Variants in CZIB observed in about 807,000 individuals in gnomAD.
The protein encoded by CZIB is UPF0587 protein C1orf123.
CZIB carries 26 observed loss-of-function variants against 28.3 expected under a neutral mutation model. The ratio of observed to expected loss-of-function variants is 0.92; its 90% CI spans 0.67 to 1.27. CZIB has a LOEUF of 1.27. CZIB is among the 50% of genes most tolerant of loss of function. The pLI is 0.00. For missense variants in CZIB, 179 were observed against 197.3 expected, an observed-to-expected ratio of 0.91 and a Z score of 0.56; for synonymous variants, 78 against 71.1, an observed-to-expected ratio of 1.10 and a Z score of -0.49.
At chr1:53,218,087 T>C in intron 5 of CZIB, 85 bp downstream of exon 5, 6 of 1,412,534 alleles carry the variant, frequency 4.2e-6, no homozygotes, top group South Asian at 1.2e-5. Context: ...GTCACTCTGA[T>C]GCAGGCATGA....
At chr1:53,218,126 T>C (rs1645485345) in intron 5 of CZIB, 46 bp downstream of exon 5, 1 of 1,600,778 alleles carries the variant, frequency 6.2e-7, no homozygotes, top group Non-Finnish European at 8.6e-7. Flanking sequence ...CTAACTCCAG[T>C]TAGGATTTAA....
intron 2 of CZIB, chr1:53,219,152 C>CA (rs1645498196): frequency 1.8e-6 from 1 of 545,450 alleles, no homozygotes; most frequent in East Asian, 3.2e-5. Context: ...ATGAAGTGCT[C>CA]AGTGTGGCCG....
At chr1:53,219,102 G>A in intron 2 of CZIB, 179 bp from the exon 3 acceptor site, 1 of 628,626 alleles carries the variant, frequency 1.6e-6, no homozygotes, top group Non-Finnish European at 2.8e-6. Flanking sequence ...GCAAAGGATA[G>A]GTAAGGCTGT....
Position 53,218,193 on chromosome 1 carries a change from G to A in CZIB, c.240C>T (p.Ser80=). The A allele has an allele frequency of 6.2e-7, 1 of 1,614,122 alleles. No individual in the cohort carries two copies. Among genetic ancestry groups the A allele is most frequent in the Non-Finnish European group, 8.5e-7 (1 of 1,179,994 alleles). Reference sequence around the variant, plus strand: ...TTACATTGTAAGGCTTGATGGTGCTGCTTAAAATCTCTGAAATAGAAAAGA... The same window carrying A: ...TTACATTGTAAGGCTTGATGGTGCTACTTAAAATCTCTGAAATAGAAAAGA... ...CARENSIEIL[S]STIKPYNAED... The change falls in exon 5 of 8, where the codon AGC becomes AGT. Residue 80 remains serine (S), a synonymous_variant. Coordinates refer to ENST00000294360, the MANE Select transcript of CZIB (RefSeq NM_017887.3).
chr1:53,215,857 C>T, intron 7 of CZIB, 134 bp downstream of exon 7: 1 of 840,370 alleles, frequency 1.2e-6, no homozygotes, highest in Non-Finnish European at 2.0e-6. Flanking sequence ...TACCTGTGGC[C>T]ATTTCAACAG....
intron 6 of CZIB, 25 bp downstream of exon 6, chr1:53,216,757 A>G (rs1205982524): frequency 6.2e-7 from 1 of 1,609,472 alleles, no homozygotes; most frequent in East Asian, 2.2e-5. Flanking sequence ...AAAGACAAAG[A>G]TTCCCCAGAA....
chr1:53,219,117 T>C, intron 2 of CZIB, 194 bp from the exon 3 acceptor site: 1 of 598,518 alleles, frequency 1.7e-6, no homozygotes, highest in East Asian at 2.9e-5. Flanking sequence ...GGCTGTTTCC[T>C]ATGCCGGCGT....
At chr1:53,220,368 T>C in intron 1 of CZIB, 24 bp from the exon 2 acceptor site, 1 of 1,608,530 alleles carries the variant, frequency 6.2e-7, no homozygotes, top group Non-Finnish European at 8.5e-7. Flanking sequence ...CCAGAGCGAC[T>C]GCGTCAGCCG....
chr1:53,214,627 A>G lies in CZIB; in HGVS notation c.*32T>C. 1.9e-6 allele frequency: 3 copies of G among 1,597,866 alleles called. No homozygotes were observed. In the South Asian group the frequency reaches 3.3e-5, roughly 18 times the overall value. ...TGCTTAGAGTACTTTGTCCTTTCTC[A>G]GTTCTTAAGGGCAACTGGGAAGGAA... On this transcript the variant is annotated 3_prime_UTR_variant, in exon 8 of 8. Coordinates refer to ENST00000294360, the MANE Select transcript of CZIB (RefSeq NM_017887.3).
intron 5 of CZIB, chr1:53,217,848 C>G: frequency 2.9e-6 from 1 of 340,424 alleles, no homozygotes; most frequent in South Asian, 5.0e-5. Flanking sequence ...ACGACTACCC[C>G]ACCCATGGTT....
intron 6 of CZIB, 78 bp downstream of exon 6, chr1:53,216,704 T>C (rs1645476236): frequency 1.6e-5 from 21 of 1,273,770 alleles, no homozygotes; most frequent in Non-Finnish European, 2.4e-5. Context: ...ATGGTATCTG[T>C]AGGTAGCACA....
In CZIB at chr1:53,218,314, G is replaced by A. The variant is rs1645487169; in HGVS notation, c.229+100C>T. 1.1e-5 allele frequency: 17 copies of A among 1,575,484 alleles called. No individual in the cohort carries two copies. In the South Asian group the frequency reaches 1.8e-4, roughly 16 times the overall value. ...ACGCTGTACAGGTGTCGGCATCTTA[G>A]GCCTGACTCCACCCTCAGGTAACAT... On this transcript the variant is annotated intron_variant, in intron 4 of 7. Transcript: ENST00000294360.
At position 53,214,101 on chromosome 1, in the gene CZIB, T is replaced by TAA. The variant is rs1362743791; in HGVS notation, c.*556_*557dup. 6.0e-6 allele frequency: 1 copy of TAA among 166,678 alleles called. No individual in the cohort carries two copies. The highest frequency in any genetic ancestry group is 1.7e-4 in the East Asian group (1 of 6,042). The allele number at this position is 166,678 out of a possible 1,614,324, so 10.3% of individuals were successfully genotyped here. ...TCACAACTGAAGATAACAAGAGATTTAAGTTTTAAGGGCATTTAATCAGGA... is the reference window on the plus strand; with the variant it reads ...TCACAACTGAAGATAACAAGAGATTTAAAAGTTTTAAGGGCATTTAATCAGGA... On this transcript the variant is annotated 3_prime_UTR_variant, in exon 8 of 8. Transcript: ENST00000294360.
Position 53,218,940 on chromosome 1 carries a change from T to C in CZIB, c.91-17A>G. The C allele has an allele frequency of 1.9e-6, 3 of 1,611,640 alleles. No homozygotes were observed. Among genetic ancestry groups the C allele is most frequent in the Non-Finnish European group, 1.7e-6 (2 of 1,177,840 alleles). The stretch of plus-strand genomic sequence containing the variant: ...ACATTTCATCTTTGGGGAAAAAGAA[T>C]GTTAGTAAAGCAGCTGGCTCTGCTG... On this transcript the variant is annotated splice_polypyrimidine_tract_variant and intron_variant, in intron 2 of 7. Coordinates refer to ENST00000294360, the MANE Select transcript of CZIB (RefSeq NM_017887.3).
Position 53,216,120 on chromosome 1 carries a change from G to A in CZIB, c.340-64C>T, listed in dbSNP as rs74880381. On this transcript the variant is annotated intron_variant, in intron 6 of 7. Coordinates refer to ENST00000294360, the MANE Select transcript of CZIB (RefSeq NM_017887.3). ...AGAAGGCATTGGGCTATAAGTAAGGGCCGGCCAGGCTGCTGGCTCTTCTCA... is the reference window on the plus strand; with the variant it reads ...AGAAGGCATTGGGCTATAAGTAAGGACCGGCCAGGCTGCTGGCTCTTCTCA... 5.7e-3 allele frequency: 8,460 copies of A among 1,497,168 alleles called. 382 individuals are homozygous for A. The African/African-American group carries it at 0.1, about 18-fold the overall frequency. 92.7% of individuals were successfully genotyped at this position (1,497,168 alleles called of 1,614,324 possible).
At chr1:53,217,342 AC>A (rs1645480775) in intron 5 of CZIB, 1 of 156,074 alleles carries the variant, frequency 6.4e-6, no homozygotes, top group South Asian at 1.9e-4. Context: ...CCTTTTGCTG[AC>A]CATCTGCCAT....
rs765347462 is a variant in CZIB, at chr1:53,218,910, T to G, written c.104A>C (p.Asn35Thr). ...CCACTTGTCCGAAATCTCACCACAG[T>G]TGCCACATTTCATCTTTGGGGAAAA... ...FRWYLKMKCGNCGEISDKWQY... is the reference protein window; with the variant it reads ...FRWYLKMKCGTCGEISDKWQY... The change falls in exon 3 of 8, where the codon AAC becomes ACC. Residue 35 changes from asparagine (N) to threonine (T), a missense_variant. Transcript: ENST00000294360. 1 of 1,613,886 alleles carries G rather than the reference T, an allele frequency of 6.2e-7. No individual in the cohort carries two copies. The highest frequency in any genetic ancestry group is 1.7e-5 in the Admixed American group (1 of 60,016).
chr1:53,218,740 C>T (rs1645490813), intron 3 of CZIB, 127 bp downstream of exon 3: 3 of 1,012,608 alleles, frequency 3.0e-6, no homozygotes, highest in South Asian at 1.4e-5. Context: ...GACACCTACC[C>T]TCCCAAACCA....
intron 7 of CZIB, 29 bp from the exon 8 acceptor site, chr1:53,214,765 C>T (rs376996716): frequency 2.7e-5 from 43 of 1,596,668 alleles, no homozygotes; most frequent in Non-Finnish European, 3.5e-5. Context: ...TTGTTAGCCT[C>T]ACAACGCAGA....
Sources: gnomAD v4.1 joint callset for allele counts on GRCh38, gnomAD v4.1.1 for gene constraint, MANE v1.5 for transcripts, NCBI Gene and HGNC (gene_info 2026-07-23, HGNC 2026-07-21) for gene names.